MACROD2: variants seen among roughly 807,000 people sequenced by gnomAD.
MACROD2 encodes ADP-ribose glycohydrolase MACROD2.
In MACROD2, 36 loss-of-function variants were observed where a neutral mutation model predicts 70.4. The observed-to-expected ratio is 0.51, with a 90% CI of 0.39 to 0.68. The LOEUF (loss-of-function observed/expected upper bound fraction) is 0.68, where lower values mean the gene tolerates loss of function less well. Among genes scored for constraint, MACROD2 ranks in the 30% least tolerant of loss-of-function variants. MACROD2 has a pLI of 0.00. For synonymous variants in MACROD2, 172 were observed against 178.8 expected, an observed-to-expected ratio of 0.96 and a Z score of 0.30; for missense variants, 496 against 538.4, an observed-to-expected ratio of 0.92 and a Z score of 0.78.
intron 5 of MACROD2, among the ~76,000 whole-genome samples, chr20:14,911,504 T>G (rs1288922868): frequency 6.6e-6 from 1 of 152,014 alleles, no homozygotes; most frequent in African/African-American, 2.4e-5. Flanking sequence ...CAGCCTCCCA[T>G]GTAGCTGGAA....
chr20:15,281,451 A>G (rs2077443386), intron 6 of MACROD2, among the ~76,000 whole-genome samples: 1 of 152,228 alleles, frequency 6.6e-6, no homozygotes, highest in African/African-American at 2.4e-5. Flanking sequence ...CAATGGGGGT[A>G]CAGGCATTGG....
chr20:15,740,379 G>C (rs912787078), intron 8 of MACROD2, among the ~76,000 whole-genome samples: 1 of 152,128 alleles, frequency 6.6e-6, no homozygotes, highest in Non-Finnish European at 1.5e-5. Flanking sequence ...CAGGGTCTTA[G>C]TCAAATTAAT....
chr20:14,278,455 A>G (rs1356175621), intron 3 of MACROD2, among the ~76,000 whole-genome samples: 1 of 152,218 alleles, frequency 6.6e-6, no homozygotes, highest in Non-Finnish European at 1.5e-5. Context: ...TGAGTAGCCT[A>G]TAAATAAAAC....
At chr20:14,028,160 A>G (rs1289135960) in intron 2 of MACROD2, among the ~76,000 whole-genome samples, 1 of 152,152 alleles carries the variant, frequency 6.6e-6, no homozygotes, top group Non-Finnish European at 1.5e-5. Flanking sequence ...GGCTCTGCGG[A>G]GCTGCAGTGG....
intron 10 of MACROD2, among the ~76,000 whole-genome samples, chr20:15,903,133 T>G (rs933522120): frequency 1.3e-5 from 2 of 152,050 alleles, no homozygotes; most frequent in Non-Finnish European, 2.9e-5. Context: ...CCAAGCCCTT[T>G]GAGAGGCCGA....
chr20:15,778,058 T>C (rs1307010051), intron 8 of MACROD2, among the ~76,000 whole-genome samples: 1 of 152,180 alleles, frequency 6.6e-6, no homozygotes, highest in African/African-American at 2.4e-5. Context: ...TGTGCCAAGA[T>C]TGAATTTCCT....
intron 5 of MACROD2, among the ~76,000 whole-genome samples, chr20:14,708,839 C>G (rs760966238): frequency 5.9e-5 from 9 of 152,062 alleles, no homozygotes; most frequent in Non-Finnish European, 1.3e-4. Context: ...AGGCTGGTCT[C>G]GAACTCCTGA....
intron 7 of MACROD2, among the ~76,000 whole-genome samples, chr20:15,462,236 CT>C (rs1270772598): frequency 2.0e-5 from 3 of 152,104 alleles, no homozygotes; most frequent in African/African-American, 7.2e-5. Context: ...GGAGAGAATG[CT>C]TGTGAAATGT....
At chr20:14,347,566 C>T (rs1290350649) in intron 3 of MACROD2, among the ~76,000 whole-genome samples, 4 of 152,076 alleles carry the variant, frequency 2.6e-5, no homozygotes, top group African/African-American at 9.7e-5. Flanking sequence ...GGAATGTGAC[C>T]TAATCCTGCT....
At position 15,676,897 on chromosome 20, in the gene MACROD2, G is replaced by GCAA. The variant is rs551021840; in HGVS notation, c.645+177062_645+177064dup. The stretch of plus-strand genomic sequence containing the variant: ...ATAAAGAGAGCCAGTTCCTGATTTG[G>GCAA]CAACAACAACAACACGTACTGAAGA... On this transcript the variant is annotated intron_variant, in intron 8 of 17. Coordinates refer to ENST00000684519, the MANE Select transcript of MACROD2 (RefSeq NM_001351661.2). Among the ~76,000 whole-genome samples, 219 of 152,232 alleles carry GCAA rather than the reference G, an allele frequency of 1.4e-3. 1 individual carries two copies. Among genetic ancestry groups the GCAA allele is most frequent in the African/African-American group, 5.2e-3 (214 of 41,542 alleles).
At chr20:14,835,132 T>TC (rs1249517356) in intron 5 of MACROD2, among the ~76,000 whole-genome samples, 1 of 151,722 alleles carries the variant, frequency 6.6e-6, no homozygotes, top group Admixed American at 6.6e-5. Context: ...AACCTTTTTT[T>TC]CCAAAACTGT....
chr20:15,235,374 G>GA (rs2077004772), intron 6 of MACROD2, among the ~76,000 whole-genome samples: 1 of 152,052 alleles, frequency 6.6e-6, no homozygotes, highest in Non-Finnish European at 1.5e-5. Context: ...TTTTTTGAAT[G>GA]AAAAAACATT....
intron 2 of MACROD2, among the ~76,000 whole-genome samples, chr20:14,021,058 C>T (rs1323856338): frequency 4.2e-5 from 6 of 143,554 alleles, no homozygotes; most frequent in South Asian, 2.2e-4. Flanking sequence ...GGCGCCATCT[C>T]GGCTCACTGC....
intron 3 of MACROD2, among the ~76,000 whole-genome samples, chr20:14,134,200 C>T (rs17191368): frequency 0.21 from 32,369 of 152,068 alleles, 3,604 homozygotes; most frequent in Middle Eastern, 0.26. Flanking sequence ...GAACCTACAG[C>T]TTATTTATGA....
intron 4 of MACROD2, among the ~76,000 whole-genome samples, chr20:14,654,340 A>G (rs1286349963): frequency 2.0e-5 from 3 of 151,926 alleles, no homozygotes; most frequent in Non-Finnish European, 2.9e-5. Context: ...TGAGGTCAGG[A>G]GTTCAAGAGC....
At chr20:14,589,466 G>C (rs1474087939) in intron 4 of MACROD2, among the ~76,000 whole-genome samples, 2 of 152,022 alleles carry the variant, frequency 1.3e-5, no homozygotes, top group East Asian at 3.8e-4. Flanking sequence ...ATTACATTTG[G>C]TAGCAATGTT....
At chr20:15,978,038 C>T (rs912802759) in intron 13 of MACROD2, among the ~76,000 whole-genome samples, 14 of 152,190 alleles carry the variant, frequency 9.2e-5, no homozygotes, top group Non-Finnish European at 5.9e-5. Flanking sequence ...TGCAGATTCA[C>T]TTACATCTTC....
At chr20:15,999,865 G>C (rs1449109871) in intron 15 of MACROD2, among the ~76,000 whole-genome samples, 1 of 152,176 alleles carries the variant, frequency 6.6e-6, no homozygotes, top group African/African-American at 2.4e-5. Context: ...AGAAGTGATA[G>C]GGTGAAAACC....
At chr20:15,714,349 T>A (rs947891127) in intron 8 of MACROD2, among the ~76,000 whole-genome samples, 1 of 152,206 alleles carries the variant, frequency 6.6e-6, no homozygotes, top group Non-Finnish European at 1.5e-5. Flanking sequence ...TCCTGCATAA[T>A]TGTCTTAAAT....
Sources: gnomAD v4.1 joint callset for allele counts (sites outside exome capture counted in the v4.1 genomes callset) on GRCh38, gnomAD v4.1.1 for gene constraint, MANE v1.5 for transcripts, NCBI Gene and HGNC (gene_info 2026-07-23, HGNC 2026-07-21) for gene names.